Variants in STAB2 observed in about 807,000 individuals in gnomAD.
STAB2 encodes the protein stabilin 2.
STAB2 carries 288 observed loss-of-function variants against 338.1 expected under a neutral mutation model. That is an observed-to-expected ratio of 0.85 (90% CI 0.77 to 0.94). The LOEUF is 0.94. Ranked by LOEUF, STAB2 falls within the 40% of genes least tolerant of loss-of-function variation. The pLI is 0.00. For missense variants in STAB2, 3,141 were observed against 3,210.1 expected, an observed-to-expected ratio of 0.98 and a Z score of 0.52; for synonymous variants, 1,202 against 1,193.3, an observed-to-expected ratio of 1.01 and a Z score of -0.15.
At chr12:103,743,115 C>G (rs912104220) in intron 56 of STAB2, among the ~76,000 whole-genome samples, 1 of 151,606 alleles carries the variant, frequency 6.6e-6, no homozygotes, top group African/African-American at 2.4e-5. Context: ...CTCTGCCTCC[C>G]AGGTTCAAGT....
At chr12:103,615,027 C>G (rs116526914) in intron 3 of STAB2, among the ~76,000 whole-genome samples, 1 of 152,166 alleles carries the variant, frequency 6.6e-6, no homozygotes, top group East Asian at 1.9e-4. Flanking sequence ...CTTGCCAAAC[C>G]GTACACTCTA....
At chr12:103,646,412 C>T (rs537392740) in intron 9 of STAB2, among the ~76,000 whole-genome samples, 1 of 152,300 alleles carries the variant, frequency 6.6e-6, no homozygotes, top group African/African-American at 2.4e-5. Context: ...AGTCACCTTC[C>T]TCATCATGTC....
At position 103,689,900 on chromosome 12, in the gene STAB2, C is replaced by G; in HGVS notation, c.3100C>G (p.Pro1034Ala). The G allele has an allele frequency of 2.5e-6, 4 of 1,614,168 alleles. No homozygotes were observed. The highest frequency in any genetic ancestry group is 2.5e-6 in the Non-Finnish European group (3 of 1,180,018). ...CACCTCAAACCTCACTGTCCTCGTG[C>G]CTTCCCAACAAGCTACTGAGGACAT... Reference protein sequence around the residue: ...SATSNLTVLVPSQQATEDMDQ... With the variant: ...SATSNLTVLVASQQATEDMDQ... The change falls in exon 29 of 69, where the codon CCT becomes GCT. Residue 1034 changes from proline to alanine, a missense_variant. Pro to Ala is a conservative substitution (Grantham distance 27, BLOSUM62 -1). Transcript: ENST00000388887.
At chr12:103,722,363 T>C (rs1399147472) in intron 44 of STAB2, among the ~76,000 whole-genome samples, 7 of 152,196 alleles carry the variant, frequency 4.6e-5, no homozygotes, top group Non-Finnish European at 2.9e-5. Context: ...AGATGTCACC[T>C]ATGTTGAGAG....
At chr12:103,682,280 G>A (rs193082626) in intron 25 of STAB2, among the ~76,000 whole-genome samples, 59 of 151,756 alleles carry the variant, frequency 3.9e-4, no homozygotes, top group Admixed American at 3.7e-3. Flanking sequence ...ATCCATCCTC[G>A]TTTTCTGATG....
Position 103,594,459 on chromosome 12 carries a change from G to T in STAB2, c.280G>T (p.Asp94Tyr). The stretch of plus-strand genomic sequence containing the variant: ...CGGATGCCGCCATATTTGTAGGAAG[G>T]ACTATCTCCAACCTCGGTGTTGTCC... ...LPGCRHICRKDYLQPRCCPGR... is the reference protein window; with the variant it reads ...LPGCRHICRKYYLQPRCCPGR... Residue 94 changes from aspartate (D) to tyrosine (Y), a missense_variant, in exon 3 of 69, where the codon GAC (aspartate) becomes TAC (tyrosine). Coordinates refer to ENST00000388887, the MANE Select transcript of STAB2 (RefSeq NM_017564.10). The T allele has an allele frequency of 6.2e-7, 1 of 1,614,016 alleles. No individual in the cohort carries two copies. Among genetic ancestry groups the T allele is most frequent in the Non-Finnish European group, 8.5e-7 (1 of 1,179,902 alleles).
chr12:103,652,437 C>A, intron 11 of STAB2, 119 bp from the exon 12 acceptor site: 1 of 899,302 alleles, frequency 1.1e-6, no homozygotes, highest in Non-Finnish European at 1.6e-6. Context: ...TTTGCAAAAG[C>A]CCAAACCCAA....
rs954624605 is a variant in STAB2, at chr12:103,677,471, G to A, written c.2665G>A (p.Gly889Ser). 14 of 1,612,414 alleles carry A rather than the reference G, an allele frequency of 8.7e-6. No individual in the cohort carries two copies. Among genetic ancestry groups the A allele is most frequent in the Non-Finnish European group, 1.2e-5 (14 of 1,178,680 alleles). ...CSRNAECIKT[G>S]TGTHTCVCQQ... The stretch of plus-strand genomic sequence containing the variant: ...CCTGCAGGCAGAATGCATCAAAACT[G>A]GCACGGGCACCCACACCTGCGTGTG... The change falls in exon 25 of 69, where the codon GGC becomes AGC. Residue 889 changes from glycine to serine, a missense_variant. Physicochemically the swap from Gly to Ser is moderately conservative, Grantham distance 56. Coordinates refer to ENST00000388887, the MANE Select transcript of STAB2 (RefSeq NM_017564.10).
Position 103,716,008 on chromosome 12 carries a change from ATACTT to A in STAB2, c.4611+123_4611+127del, listed in dbSNP as rs1164961988. 46 of 1,077,908 alleles carry A rather than the reference ATACTT, an allele frequency of 4.3e-5. 1 individual carries two copies. The South Asian group carries it at 6.0e-4, about 14-fold the overall frequency. The allele number at this position is 1,077,908 out of a possible 1,614,324, so 66.8% of individuals were successfully genotyped here. A position where few individuals can be genotyped will look rare whatever the true frequency, so the allele number is the denominator to read the frequency against. On this transcript the variant is annotated intron_variant, in intron 43 of 68. Transcript: ENST00000388887. ...TCTAAAGAGCTGCAGCTGAAAATAAATACTTTAGGGGAAATTCTGAAAGAATCAAG... is the reference window on the plus strand; with the variant it reads ...TCTAAAGAGCTGCAGCTGAAAATAAATAGGGGAAATTCTGAAAGAATCAAG...
At chr12:103,759,922 A>G (rs1439011986) in intron 65 of STAB2, among the ~76,000 whole-genome samples, 1 of 152,234 alleles carries the variant, frequency 6.6e-6, no homozygotes, top group Non-Finnish European at 1.5e-5. Context: ...GAGCTTATTT[A>G]CTTTTTAAAG....
At chr12:103,739,144 ATTTT>A (rs10711740) in intron 53 of STAB2, among the ~76,000 whole-genome samples, 1 of 146,778 alleles carries the variant, frequency 6.8e-6, no homozygotes, top group African/African-American at 2.5e-5. Flanking sequence ...TGCCTGGCTA[ATTTT>A]TTTTTTTTTT....
chr12:103,692,634 T>TGAGA (rs66556393), intron 30 of STAB2, among the ~76,000 whole-genome samples, 178 bp from the exon 31 acceptor site: 3 of 151,154 alleles, frequency 2.0e-5, no homozygotes, highest in African/African-American at 7.3e-5. Flanking sequence ...TGCACGTGTG[T>TGAGA]GAGAGAGAGA....
intron 14 of STAB2, 31 bp from the exon 15 acceptor site, chr12:103,655,425 G>C (rs1329094155): frequency 1.9e-6 from 3 of 1,612,726 alleles, no homozygotes; most frequent in Non-Finnish European, 1.7e-6. Flanking sequence ...AAGGTAGGCT[G>C]CAGATACAAA....
intron 3 of STAB2, among the ~76,000 whole-genome samples, chr12:103,600,468 G>C (rs190310205): frequency 6.6e-6 from 1 of 152,176 alleles, no homozygotes; most frequent in Non-Finnish European, 1.5e-5. Context: ...CTAGTGCTCC[G>C]GTTTTCCTTA....
intron 43 of STAB2, 129 bp downstream of exon 43, chr12:103,716,017 G>A: frequency 1.0e-6 from 1 of 1,004,670 alleles, no homozygotes; most frequent in Non-Finnish European, 1.5e-6. Flanking sequence ...AATACTTTAG[G>A]GGAAATTCTG....
rs754430949 is a variant in STAB2, at chr12:103,648,719, A to G, written c.1070A>G (p.Asp357Gly). The G allele has an allele frequency of 6.2e-7, 1 of 1,614,098 alleles. No individual in the cohort carries two copies. Among genetic ancestry groups the G allele is most frequent in the African/African-American group, 1.3e-5 (1 of 75,058 alleles). ...ECICQKGYVG[D>G]GLTCYGNIME... ...ATTTGCCAGAAAGGTTACGTGGGTGATGGCTTAACGTGTTATGGAAACATT... is the reference window on the plus strand; with the variant it reads ...ATTTGCCAGAAAGGTTACGTGGGTGGTGGCTTAACGTGTTATGGAAACATT... The change falls in exon 10 of 69, where the codon GAT becomes GGT. Residue 357 changes from aspartate to glycine, a missense_variant. Coordinates refer to ENST00000388887, the MANE Select transcript of STAB2 (RefSeq NM_017564.10).
At chr12:103,762,523 G>T in intron 67 of STAB2, 121 bp downstream of exon 67, 1 of 1,498,688 alleles carries the variant, frequency 6.7e-7, no homozygotes. Flanking sequence ...GTGTCACACA[G>T]TAGCAGGGGC....
Position 103,661,797 on chromosome 12 carries a change from TG to T in STAB2, c.1869+1037del, listed in dbSNP as rs1874643625. 1.1e-4 allele frequency among the ~76,000 whole-genome samples: 17 copies of T among 152,160 alleles called. No homozygotes were observed. The South Asian group carries it at 3.5e-3, about 32-fold the overall frequency. ...AAGCACAGAGCAGAAAGGAGCATGC[TG>T]GGCTGTGTGAGGAACAGCAAGGCCA... On this transcript the variant is annotated intron_variant, in intron 17 of 68. Transcript: ENST00000388887.
intron 3 of STAB2, among the ~76,000 whole-genome samples, chr12:103,618,761 A>G (rs1167544436): frequency 6.6e-6 from 1 of 152,154 alleles, no homozygotes; most frequent in Non-Finnish European, 1.5e-5. Flanking sequence ...TTAACTTCAG[A>G]GGATTGCTGT....
Sources: gnomAD v4.1 joint callset for allele counts (sites outside exome capture counted in the v4.1 genomes callset) on GRCh38, gnomAD v4.1.1 for gene constraint, MANE v1.5 for transcripts, NCBI Gene and HGNC (gene_info 2026-07-23, HGNC 2026-07-21) for gene names.